ADGRB1: variants seen among roughly 807,000 people sequenced by gnomAD.
The protein encoded by ADGRB1 is brain-specific angiogenesis inhibitor 1.
ADGRB1 carries 36 observed loss-of-function variants against 175.7 expected under a neutral mutation model. The observed-to-expected ratio is 0.20, with a 90% CI of 0.16 to 0.27. The LOEUF is 0.27. ADGRB1 is among the 10% of genes least tolerant of loss of function. The pLI is 1.00. For missense variants in ADGRB1, 1,731 were observed against 2,255.3 expected, an observed-to-expected ratio of 0.77 and a Z score of 4.71; for synonymous variants, 1,054 against 979.4, an observed-to-expected ratio of 1.08 and a Z score of -1.42.
At chr8:142,459,581 A>G (rs1403138859) in intron 1 of ADGRB1, among the ~76,000 whole-genome samples, 1 of 152,198 alleles carries the variant, frequency 6.6e-6, no homozygotes, top group Non-Finnish European at 1.5e-5. Flanking sequence ...CAGCAAGTAC[A>G]GCACGAAGCC....
chr8:142,485,340 T>C lies in ADGRB1; in HGVS notation c.2308+576T>C, dbSNP rs1841614552. Among the ~76,000 whole-genome samples, 5 of 152,304 alleles carry C rather than the reference T, an allele frequency of 3.3e-5. No homozygotes were observed. The South Asian group carries it at 1.0e-3, about 32-fold the overall frequency. ...TGACTGTTACTACAGTGCCCTCAAA[T>C]ATCTCTCAAAAGCCACGTTTCTCAA... On this transcript the variant is annotated intron_variant, in intron 13 of 30. Transcript: ENST00000517894.
Position 142,464,282 on chromosome 8 carries a change from G to C in ADGRB1, c.84G>C (p.Ala28=), listed in dbSNP as rs959315717. 3 of 1,363,112 alleles carry C rather than the reference G, an allele frequency of 2.2e-6. No homozygotes were observed. In the African/African-American group the frequency reaches 4.6e-5, roughly 21 times the overall value. The allele number at this position is 1,363,112 out of a possible 1,614,324, so 84.4% of individuals were successfully genotyped here. A position where few individuals can be genotyped will look rare whatever the true frequency, so the allele number is the denominator to read the frequency against. The change falls in exon 2 of 31, where the codon GCG becomes GCC. Residue 28 remains alanine, a synonymous_variant. Transcript: ENST00000517894. ...TGCTGCTGCTGCTGGGACGCCGCGC[G>C]CGGGCGGCCGCCGGAGCAGACGCGG... ...LLLLLLLGRR[A]RAAAGADAGP...
At position 142,544,552 on chromosome 8, in the gene ADGRB1, G is replaced by C; in HGVS notation, c.*135G>C. 1 of 1,104,916 alleles carries C rather than the reference G, an allele frequency of 9.1e-7. No homozygotes were observed. The highest frequency in any genetic ancestry group is 1.7e-5 in the African/African-American group (1 of 59,474). The allele number at this position is 1,104,916 out of a possible 1,614,324, so 68.4% of individuals were successfully genotyped here. A position where few individuals can be genotyped will look rare whatever the true frequency, so the allele number is the denominator to read the frequency against. ...CCCGGCCTCAGGGCGCTCAGACGGC[G>C]GCCAGGCACAGGGCCCGCAGTGCTG... is the stretch of plus-strand genomic sequence containing the variant. On this transcript the variant is annotated 3_prime_UTR_variant, in exon 31 of 31. Transcript: ENST00000517894.
chr8:142,475,351 C>A, intron 2 of ADGRB1, 123 bp from the exon 3 acceptor site: 1 of 1,033,124 alleles, frequency 9.7e-7, no homozygotes, highest in East Asian at 3.2e-5. Context: ...GCCAGGCCTT[C>A]CCCGGCACTG....
chr8:142,466,063 G>T lies in ADGRB1; in HGVS notation c.784+1081G>T, dbSNP rs1305020380. ...GAGACCCCTTGCTGACGGGTGACGT[G>T]CAAGAAAGAGAAGGAAGCCCAGGGT... On this transcript the variant is annotated intron_variant, in intron 2 of 30. Coordinates refer to ENST00000517894, the MANE Select transcript of ADGRB1 (RefSeq NM_001702.3). Among the ~76,000 whole-genome samples, 3 of 152,336 alleles carry T rather than the reference G, an allele frequency of 2.0e-5. No individual in the cohort carries two copies. The East Asian group carries it at 5.8e-4, about 29-fold the overall frequency.
Position 142,458,498 on chromosome 8 carries a change from G to A in ADGRB1, c.-219-5482G>A, listed in dbSNP as rs913087387. The stretch of plus-strand genomic sequence containing the variant: ...CATCTCAGGCCCGTTGCTGGCCTGC[G>A]GTCAGTGTGTAGTGAACGTTGGTGC... On this transcript the variant is annotated intron_variant, in intron 1 of 30. Coordinates refer to ENST00000517894, the MANE Select transcript of ADGRB1 (RefSeq NM_001702.3). Among the ~76,000 whole-genome samples the A allele has an allele frequency of 6.6e-5, 10 of 152,156 alleles. No homozygotes were observed. The East Asian group carries it at 1.2e-3, about 18-fold the overall frequency.
In ADGRB1 at chr8:142,479,506, G is replaced by A. The variant is rs1335760890; in HGVS notation, c.1726+19G>A. 4 of 1,529,062 alleles carry A rather than the reference G, an allele frequency of 2.6e-6. No individual in the cohort carries two copies. In the South Asian group the frequency reaches 4.9e-5, roughly 19 times the overall value. 94.7% of individuals were successfully genotyped at this position (1,529,062 alleles called of 1,614,324 possible). The stretch of plus-strand genomic sequence containing the variant: ...TGTCCCGGTGAGGCCCCTCCTACCT[G>A]GGCTGGGCTCTGGGGAGGGCTGATG... On this transcript the variant is annotated intron_variant, in intron 8 of 30. Transcript: ENST00000517894.
At chr8:142,540,835 G>GA (rs1845229871) in intron 27 of ADGRB1, among the ~76,000 whole-genome samples, 1 of 152,088 alleles carries the variant, frequency 6.6e-6, no homozygotes, top group Non-Finnish European at 1.5e-5. Context: ...GGGCGGGGCT[G>GA]AAAATGGGCA....
At chr8:142,528,330 C>G (rs909989281) in intron 24 of ADGRB1, among the ~76,000 whole-genome samples, 5 of 152,192 alleles carry the variant, frequency 3.3e-5, no homozygotes, top group African/African-American at 1.2e-4. Flanking sequence ...ACCTTCCCCC[C>G]ATGCCTGCCA....
chr8:142,470,222 C>T (rs886233378), intron 2 of ADGRB1, among the ~76,000 whole-genome samples: 1 of 152,246 alleles, frequency 6.6e-6, no homozygotes, highest in African/African-American at 2.4e-5. Flanking sequence ...GCTCTCATCA[C>T]TTCCTCCCCA....
rs1840122578 is a variant in ADGRB1 at position 142,464,273 on chromosome 8, A to G, written c.75A>G (p.Gly25=). 2.9e-6 allele frequency: 4 copies of G among 1,360,052 alleles called. No homozygotes were observed. Among genetic ancestry groups the G allele is most frequent in the Non-Finnish European group, 3.8e-6 (4 of 1,065,166 alleles). The allele number at this position is 1,360,052 out of a possible 1,614,324, so 84.2% of individuals were successfully genotyped here. A position where few individuals can be genotyped will look rare whatever the true frequency, so the allele number is the denominator to read the frequency against. ...APLLLLLLLL[G]RRARAAAGAD... is the part of the protein sequence containing the mutation. ...TGCTACTGCTGCTGCTGCTGCTGGG[A>G]CGCCGCGCGCGGGCGGCCGCCGGAG... The change falls in exon 2 of 31, where the codon GGA becomes GGG. Residue 25 remains glycine, a synonymous_variant. Coordinates refer to ENST00000517894, the MANE Select transcript of ADGRB1 (RefSeq NM_001702.3).
intron 18 of ADGRB1, among the ~76,000 whole-genome samples, chr8:142,517,547 G>A (rs989695400): frequency 6.6e-6 from 1 of 152,026 alleles, no homozygotes. Flanking sequence ...AGGGGCTGTG[G>A]AGGTGACACA....
intron 27 of ADGRB1, chr8:142,539,714 C>CGAGAT: frequency 1.9e-6 from 1 of 535,886 alleles, no homozygotes; most frequent in South Asian, 2.3e-5. Flanking sequence ...GGCTGCGTCC[C>CGAGAT]CTGCCCACCT....
intron 1 of ADGRB1, among the ~76,000 whole-genome samples, chr8:142,462,299 C>A (rs914436424): frequency 6.6e-6 from 1 of 152,222 alleles, no homozygotes; most frequent in African/African-American, 2.4e-5. Context: ...AGCTTCCTCC[C>A]CCTGCTGGAA....
Position 142,474,386 on chromosome 8 carries a change from G to T in ADGRB1, c.785-1088G>T, listed in dbSNP as rs1840827441. On this transcript the variant is annotated intron_variant, in intron 2 of 30. Transcript: ENST00000517894. This position sits in a 1 kb window ranked among gnomAD's most constrained non-coding sequence, Gnocchi z 5.8. ...TGTCTCCTCGCCACCGTAGCCAGGA[G>T]CAGCACTTGGCAAGGGCTGCATGCC... 6.6e-6 allele frequency among the ~76,000 whole-genome samples: 1 copy of T among 152,196 alleles called. No individual in the cohort carries two copies. The highest frequency in any genetic ancestry group is 1.9e-4 in the East Asian group (1 of 5,180).
intron 23 of ADGRB1, among the ~76,000 whole-genome samples, chr8:142,524,537 G>C (rs1035891031): frequency 6.6e-6 from 1 of 152,182 alleles, no homozygotes; most frequent in Non-Finnish European, 1.5e-5. Context: ...TGTGAGTCTC[G>C]GCTTGCCTGA....
intron 25 of ADGRB1, 26 bp downstream of exon 25, chr8:142,533,492 C>T (rs754963670): frequency 1.2e-5 from 19 of 1,564,610 alleles, no homozygotes; most frequent in Admixed American, 8.7e-5. Flanking sequence ...TCTGTCGGGC[C>T]GGGCTCCTGC....
Position 142,476,705 on chromosome 8 carries a change from C to G in ADGRB1, c.1057+10C>G. On this transcript the variant is annotated intron_variant, in intron 4 of 30. Coordinates refer to ENST00000517894, the MANE Select transcript of ADGRB1 (RefSeq NM_001702.3). ...CCAGCCCCCCAGACCGGTGAGCTGG[C>G]GGGAGGGGGGTGGGTGGGACTAGGG... 6.5e-7 allele frequency: 1 copy of G among 1,539,874 alleles called. No individual in the cohort carries two copies. The highest frequency in any genetic ancestry group is 8.8e-7 in the Non-Finnish European group (1 of 1,140,832).
chr8:142,458,797 A>G (rs897923032), intron 1 of ADGRB1, among the ~76,000 whole-genome samples: 5 of 152,216 alleles, frequency 3.3e-5, no homozygotes, highest in Non-Finnish European at 7.3e-5. Flanking sequence ...GAAAGGCAGG[A>G]ACCTGTGAGG....
Sources: allele counts gnomAD v4.1 joint callset (sites outside exome capture counted in the v4.1 genomes callset), GRCh38; gene constraint gnomAD v4.1.1; non-coding constraint Gnocchi (gnomAD v3.1); transcripts MANE v1.5; gene names NCBI Gene and HGNC (gene_info 2026-07-23, HGNC 2026-07-21).